The following TAFA1 variants were observed in gnomAD, a reference collection of about 807,000 sequenced individuals.
TAFA1 encodes the protein TAFA chemokine like family member 1.
Under a neutral mutation model 18.5 loss-of-function variants are expected in TAFA1, and 4 were observed. The observed-to-expected ratio is 0.22, with a 90% confidence interval of 0.11 to 0.49. The LOEUF is 0.49. Among genes scored for constraint, TAFA1 ranks in the 20% least tolerant of loss-of-function variants. TAFA1 has a pLI of 0.98. For synonymous variants in TAFA1, 56 were observed against 55.2 expected (o/e 1.01, Z -0.06); for missense variants, 147 against 169.0 (o/e 0.87, Z 0.72).
At chr3:68,496,419 T>A (rs546681989) in intron 3 of TAFA1, among the ~76,000 whole-genome samples, 1 of 152,132 alleles carries the variant, frequency 6.6e-6, no homozygotes, top group African/African-American at 2.4e-5. Context: ...ATGGGCTGTT[T>A]CTTGTCAAAA....
intron 2 of TAFA1, among the ~76,000 whole-genome samples, chr3:68,078,430 T>G (rs1019307658): frequency 6.6e-6 from 1 of 152,204 alleles, no homozygotes; most frequent in Non-Finnish European, 1.5e-5. Flanking sequence ...CCATTCAGTA[T>G]GATATTGGCT....
Position 68,405,699 on chromosome 3 carries a change from CAAAAAAAAAAAAAAAAAAAA to C in TAFA1, c.119-11559_119-11540del, listed in dbSNP as rs56258198. Among the ~76,000 whole-genome samples, 237 of 32,864 alleles carry C rather than the reference CAAAAAAAAAAAAAAAAAAAA, an allele frequency of 7.2e-3. 1 individual carries two copies. The highest frequency in any genetic ancestry group is 0.014 in the Non-Finnish European group (180 of 12,846). 21.6% of individuals were successfully genotyped at this position (32,864 alleles called of 152,430 possible). A position where few individuals can be genotyped will look rare whatever the true frequency, so the allele number is the denominator to read the frequency against. On this transcript the variant is annotated intron_variant, in intron 2 of 4. Coordinates refer to ENST00000478136, the MANE Select transcript of TAFA1 (RefSeq NM_213609.4). ...TAGGCAATGGAGTGAGACTCTATCT[CAAAAAAAAAAAAAAAAAAAA>C]AAAAAAAAAAAAAAAAAAAAAGACT...
intron 2 of TAFA1, among the ~76,000 whole-genome samples, chr3:68,123,284 G>T (rs2065422672): frequency 6.6e-6 from 1 of 152,146 alleles, no homozygotes; most frequent in Non-Finnish European, 1.5e-5. Context: ...CTTCGGAATA[G>T]CATCTAAGGG....
At chr3:68,256,574 C>T (rs888996330) in intron 2 of TAFA1, among the ~76,000 whole-genome samples, 18 of 152,036 alleles carry the variant, frequency 1.2e-4, no homozygotes, top group Non-Finnish European at 1.9e-4. Context: ...GAAAGAATTC[C>T]GTCTGTAAAA....
intron 2 of TAFA1, among the ~76,000 whole-genome samples, chr3:68,273,937 TCTC>T (rs2067732482): frequency 6.6e-6 from 1 of 152,138 alleles, no homozygotes; most frequent in African/African-American, 2.4e-5. Context: ...TTTCTAAAAA[TCTC>T]TAAGCCAGAC....
chr3:68,323,995 A>G (rs1453910815), intron 2 of TAFA1, among the ~76,000 whole-genome samples: 1 of 152,176 alleles, frequency 6.6e-6, no homozygotes, highest in Non-Finnish European at 1.5e-5. Flanking sequence ...TTCTCCGTAA[A>G]TACCAACTTT....
chr3:68,057,333 T>G (rs2064549261), intron 2 of TAFA1, among the ~76,000 whole-genome samples: 1 of 152,198 alleles, frequency 6.6e-6, no homozygotes, highest in Admixed American at 6.5e-5. Flanking sequence ...CTCGTTCTCA[T>G]CAGTGTTGAA....
intron 3 of TAFA1, among the ~76,000 whole-genome samples, chr3:68,467,043 G>A (rs1212447083): frequency 5.3e-5 from 8 of 152,016 alleles, no homozygotes; most frequent in African/African-American, 1.5e-4. Flanking sequence ...AGAATTCAGC[G>A]ATATTTCTCT....
chr3:68,316,853 T>C (rs971371631), intron 2 of TAFA1, among the ~76,000 whole-genome samples: 2 of 152,182 alleles, frequency 1.3e-5, no homozygotes, highest in Non-Finnish European at 2.9e-5. Context: ...TTCTAATATA[T>C]GAAGAAAAAG....
chr3:68,305,652 A>T (rs1175778904), intron 2 of TAFA1, among the ~76,000 whole-genome samples: 4 of 151,872 alleles, frequency 2.6e-5, no homozygotes, highest in African/African-American at 4.8e-5. Context: ...AAGATTCTCC[A>T]GTGGGGTGGG....
rs143378567 is a variant in TAFA1, at chr3:68,246,642, G to A, written c.119-170638G>A. Among the ~76,000 whole-genome samples, 10 of 138,460 alleles carry A rather than the reference G, an allele frequency of 7.2e-5. No individual in the cohort carries two copies. In the East Asian group the frequency reaches 2.1e-3, roughly 28 times the overall value. 90.8% of individuals were successfully genotyped at this position (138,460 alleles called of 152,430 possible). On this transcript the variant is annotated intron_variant, in intron 2 of 4. Coordinates refer to ENST00000478136, the MANE Select transcript of TAFA1 (RefSeq NM_213609.4). ...AAAAAAAAATTGAGAAGGTAACTAC[G>A]GACTTCATTGGTCTATTGTTAATAC...
chr3:68,365,919 T>C (rs1184253429), intron 2 of TAFA1, among the ~76,000 whole-genome samples: 1 of 151,782 alleles, frequency 6.6e-6, no homozygotes, highest in East Asian at 1.9e-4. Flanking sequence ...ACTGTGTCTC[T>C]ACTAAAAATA....
At chr3:68,407,477 C>T (rs548666907) in intron 2 of TAFA1, among the ~76,000 whole-genome samples, 4 of 152,214 alleles carry the variant, frequency 2.6e-5, no homozygotes, top group Non-Finnish European at 4.4e-5. Context: ...TGAAATAAGG[C>T]TTAGAAAAAT....
At chr3:68,192,081 G>T (rs971892366) in intron 2 of TAFA1, among the ~76,000 whole-genome samples, 3 of 151,642 alleles carry the variant, frequency 2.0e-5, no homozygotes, top group Non-Finnish European at 4.4e-5. Flanking sequence ...GTTCCTAAGT[G>T]CTTCTTGTCT....
At chr3:68,220,563 CAATCT>C (rs1272413405) in intron 2 of TAFA1, among the ~76,000 whole-genome samples, 1 of 151,972 alleles carries the variant, frequency 6.6e-6, no homozygotes, top group Non-Finnish European at 1.5e-5. Context: ...CAGCTCTGTC[CAATCT>C]GTCAGTTCAA....
chr3:68,082,171 C>G (rs969406845), intron 2 of TAFA1, among the ~76,000 whole-genome samples: 3 of 143,470 alleles, frequency 2.1e-5, no homozygotes, highest in African/African-American at 9.0e-5. Flanking sequence ...CCTGCTTCGG[C>G]TCGCGCATGG....
chr3:68,154,270 AG>A (rs1290093032), intron 2 of TAFA1, among the ~76,000 whole-genome samples: 2 of 152,202 alleles, frequency 1.3e-5, no homozygotes, highest in Non-Finnish European at 2.9e-5. Flanking sequence ...TTAGAGACCT[AG>A]AAATTGTCTA....
At chr3:68,268,918 C>A (rs1352085615) in intron 2 of TAFA1, among the ~76,000 whole-genome samples, 1 of 152,126 alleles carries the variant, frequency 6.6e-6, no homozygotes, top group Non-Finnish European at 1.5e-5. Flanking sequence ...TTCCAATACC[C>A]CATTACATTC....
intron 3 of TAFA1, among the ~76,000 whole-genome samples, chr3:68,447,729 A>G (rs762550814): frequency 2.0e-5 from 3 of 152,218 alleles, no homozygotes; most frequent in Non-Finnish European, 2.9e-5. Flanking sequence ...AATAATTTTC[A>G]TCTCTTGAGT....
Sources: gnomAD v4.1 joint callset for allele counts (sites outside exome capture counted in the v4.1 genomes callset) on GRCh38, gnomAD v4.1.1 for gene constraint, MANE v1.5 for transcripts, NCBI Gene and HGNC (gene_info 2026-07-23, HGNC 2026-07-21) for gene names.